The following MTMR1 variants were observed in gnomAD, a reference collection of about 807,000 sequenced individuals.
MTMR1 encodes myotubularin related protein 1, also known as phosphatidylinositol-3-phosphate phosphatase MTMR1.
A neutral mutation model predicts 51.6 loss-of-function variants in MTMR1; 17 were observed. That is an observed-to-expected ratio of 0.33 (90% confidence interval 0.23 to 0.49). The LOEUF is 0.49. MTMR1 is among the 20% of genes least tolerant of loss of function. The probability of loss-of-function intolerance (pLI) is 0.99; values close to 1 mark genes in which losing one functional copy is unlikely to be tolerated. For synonymous variants in MTMR1, 201 were observed against 205.6 expected (o/e 0.98, Z 0.19); for missense variants, 386 against 526.9 (o/e 0.73, Z 2.62).
intron 14 of MTMR1, among the ~76,000 whole-genome samples, chrX:150,752,624 G>GTTTTTT (rs782406235): frequency 5.2e-5 from 3 of 57,464 alleles, no homozygotes; most frequent in African/African-American, 7.2e-5. Flanking sequence ...GCTTTATCTT[G>GTTTTTT]TTTTTTTTTT....
Position 150,699,186 on chromosome X carries a change from T to A in MTMR1, c.147-9T>A, listed in dbSNP as rs1452826427. Reference sequence around the variant, plus strand: ...TATAACGTTTTGTAATCCATGCTATTTTTTTTAGTCCCACAGGATCACATG... The same window carrying A: ...TATAACGTTTTGTAATCCATGCTATATTTTTTAGTCCCACAGGATCACATG... On this transcript the variant is annotated splice_polypyrimidine_tract_variant and intron_variant, in intron 1 of 15. Transcript: ENST00000445323. The A allele has an allele frequency of 8.8e-7, 1 of 1,138,451 alleles. No individual in the cohort carries two copies. The highest frequency in any genetic ancestry group is 1.8e-5 in the African/African-American group (1 of 55,075). The allele number at this position is 1,138,451 out of a possible 1,213,427, so 93.8% of individuals were successfully genotyped here.
At position 150,762,966 on chromosome X, in the gene MTMR1, G is replaced by A. The variant is rs2043189898; in HGVS notation, c.*237G>A. 12 of 337,771 alleles carry A rather than the reference G, an allele frequency of 3.6e-5. No individual in the cohort carries two copies. In the South Asian group the frequency reaches 1.0e-3, roughly 29 times the overall value. 27.8% of individuals were successfully genotyped at this position (337,771 alleles called of 1,213,427 possible). A position where few individuals can be genotyped will look rare whatever the true frequency, so the allele number is the denominator to read the frequency against. ...GCAACTTCTGGCATTCAGGCAGCTTGGGAGAAACTAAGTGAACGGAATGCA... is the reference window on the plus strand; with the variant it reads ...GCAACTTCTGGCATTCAGGCAGCTTAGGAGAAACTAAGTGAACGGAATGCA... On this transcript the variant is annotated 3_prime_UTR_variant, in exon 16 of 16. Coordinates refer to ENST00000445323, the MANE Select transcript of MTMR1 (RefSeq NM_001306144.3).
intron 15 of MTMR1, among the ~76,000 whole-genome samples, chrX:150,758,515 C>T (rs374605627): frequency 6.7e-4 from 75 of 112,073 alleles, no homozygotes; most frequent in South Asian, 5.6e-3. Context: ...CATTTCTGGC[C>T]GGGCACAGTA....
intron 1 of MTMR1, among the ~76,000 whole-genome samples, chrX:150,698,313 A>T (rs1200262955): frequency 9.0e-6 from 1 of 110,557 alleles, no homozygotes; most frequent in Admixed American, 9.6e-5. Context: ...AATAAATAAA[A>T]AATAAAAACC....
chrX:150,722,453 C>T (rs188626117), intron 4 of MTMR1, among the ~76,000 whole-genome samples: 2 of 111,851 alleles, frequency 1.8e-5, no homozygotes, highest in African/African-American at 6.5e-5. Context: ...ACGAATTGAC[C>T]TCGTTATTAT....
chrX:150,714,488 GA>G (rs1569565650), intron 3 of MTMR1: 8 of 982,197 alleles, frequency 8.1e-6, no homozygotes, highest in Non-Finnish European at 9.3e-6. Flanking sequence ...GGAGATTCAG[GA>G]AGAACACAAT....
intron 12 of MTMR1, among the ~76,000 whole-genome samples, chrX:150,742,010 A>G (rs2042436973): frequency 8.9e-6 from 1 of 112,777 alleles, no homozygotes; most frequent in Non-Finnish European, 1.9e-5. Context: ...ATTGGTGTCC[A>G]TAGTAGCTTT....
intron 1 of MTMR1, among the ~76,000 whole-genome samples, chrX:150,695,808 T>G (rs1557415717): frequency 9.1e-6 from 1 of 110,437 alleles, no homozygotes. Flanking sequence ...ATGAGGCAGG[T>G]GGAGTTCACA....
chrX:150,736,896 A>G, intron 11 of MTMR1, 116 bp downstream of exon 11: 1 of 735,460 alleles, frequency 1.4e-6, no homozygotes, highest in Non-Finnish European at 1.9e-6. Flanking sequence ...CTTATTCAAT[A>G]GTTTCCATGG....
intron 10 of MTMR1, chrX:150,735,740 C>A (rs1382618950): frequency 3.3e-6 from 1 of 304,436 alleles, no homozygotes; most frequent in Non-Finnish European, 5.7e-6. Context: ...TGTGGAATGG[C>A]TAAATCAAGC....
chrX:150,762,250 C>T (rs1039733439), intron 15 of MTMR1, among the ~76,000 whole-genome samples: 2 of 112,636 alleles, frequency 1.8e-5, no homozygotes, highest in African/African-American at 3.2e-5. Context: ...ACGGCGCCCT[C>T]GGTTGATCCA....
chrX:150,706,409 G>A (rs1266929753), intron 2 of MTMR1, among the ~76,000 whole-genome samples: 5 of 112,118 alleles, frequency 4.5e-5, no homozygotes, highest in Non-Finnish European at 9.4e-5. Flanking sequence ...TATTTGTGAT[G>A]TTTGTGGTTT....
In MTMR1 at chrX:150,730,085, C is replaced by T. The variant is rs782070106; in HGVS notation, c.556-24C>T. The stretch of plus-strand genomic sequence containing the variant: ...AGGTGCCTGATGTATGTTGAATAAC[C>T]GAGTTTTGCTAATTGTTTAACAGGA... On this transcript the variant is annotated intron_variant, in intron 6 of 15. Coordinates refer to ENST00000445323, the MANE Select transcript of MTMR1 (RefSeq NM_001306144.3). 59 of 1,111,351 alleles carry T rather than the reference C, an allele frequency of 5.3e-5. 2 individuals carry two copies. The South Asian group carries it at 7.7e-4, about 15-fold the overall frequency. 91.6% of individuals were successfully genotyped at this position (1,111,351 alleles called of 1,213,427 possible). A position where few individuals can be genotyped will look rare whatever the true frequency, so the allele number is the denominator to read the frequency against.
chrX:150,730,291 A>G (rs1815707990), intron 7 of MTMR1, 81 bp downstream of exon 7: 2 of 723,698 alleles, frequency 2.8e-6, no homozygotes, highest in African/African-American at 2.3e-5. Flanking sequence ...CTTTTTCCAG[A>G]GGTTTTTTTT....
intron 1 of MTMR1, among the ~76,000 whole-genome samples, chrX:150,698,678 GCGCACACACACA>G (rs1209431481): frequency 1.2e-3 from 84 of 70,777 alleles, no homozygotes; most frequent in Middle Eastern, 7.1e-3. Flanking sequence ...CTACACGCGC[GCGCACACACACA>G]CACACACACA....
chrX:150,757,977 GC>G (rs781838706), intron 15 of MTMR1, among the ~76,000 whole-genome samples: 245 of 111,234 alleles, frequency 2.2e-3, no homozygotes, highest in African/African-American at 7.6e-3. Context: ...CCTGCCTGCT[GC>G]CCCTACACAC....
chrX:150,733,869 C>G (rs1557417080), intron 10 of MTMR1, among the ~76,000 whole-genome samples: 2 of 111,555 alleles, frequency 1.8e-5, no homozygotes, highest in Non-Finnish European at 3.8e-5. Context: ...AGGTGTCTGA[C>G]TTGAGGGTGA....
chrX:150,731,548 G>A lies in MTMR1; in HGVS notation c.820G>A (p.Val274Ile). The change falls in exon 9 of 16, where the codon GTT becomes ATT. Residue 274 changes from valine to isoleucine, a missense_variant. Coordinates refer to ENST00000445323, the MANE Select transcript of MTMR1 (RefSeq NM_001306144.3). ...EFCDTYPAII[V>I]VPTSVKDDDL... ...CTGTGACACCTACCCTGCCATCATT[G>A]TTGTGCCAACTAGTGTAAAAGATGA... 1 of 1,209,195 alleles carries A rather than the reference G, an allele frequency of 8.3e-7. No individual in the cohort carries two copies. The highest frequency in any genetic ancestry group is 1.7e-5 in the African/African-American group (1 of 57,724).
intron 8 of MTMR1, 122 bp from the exon 9 acceptor site, chrX:150,731,341 TACAATAA>T: frequency 1.8e-6 from 1 of 543,447 alleles, no homozygotes; most frequent in Non-Finnish European, 2.7e-6. Context: ...ACTTTTAAGT[TACAATAA>T]ACAATAAATT....
Sources: gnomAD v4.1 joint callset for allele counts (sites outside exome capture counted in the v4.1 genomes callset) on GRCh38, gnomAD v4.1.1 for gene constraint, MANE v1.5 for transcripts, NCBI Gene and HGNC (gene_info 2026-07-23, HGNC 2026-07-21) for gene names.